The following CDH7 variants were observed in gnomAD, a reference collection of about 807,000 sequenced individuals.
CDH7 encodes cadherin-7.
Under a neutral mutation model 71.8 loss-of-function variants are expected in CDH7, and 25 were observed. That is an observed-to-expected ratio of 0.35 (90% CI 0.25 to 0.49). CDH7 has a LOEUF of 0.49. Ranked by LOEUF, CDH7 falls within the 20% of genes least tolerant of loss-of-function variation. The pLI, the probability that CDH7 is intolerant of heterozygous loss-of-function variation, is 0.99. For missense variants in CDH7, 862 were observed against 974.6 expected (o/e 0.88, Z 1.54); for synonymous variants, 381 against 363.8 (o/e 1.05, Z -0.54).
At chr18:65,844,186 T>TATATATATATATATATATATATAG in intron 7 of CDH7, 121 bp downstream of exon 7, 1 of 256,294 alleles carries the variant, frequency 3.9e-6, no homozygotes, top group Non-Finnish European at 7.1e-6. Flanking sequence ...TATATATATA[T>TATATATATATATATATATATATAG]ATCGAGTTAT....
chr18:65,861,838 AT>A (rs1244661054), intron 10 of CDH7, among the ~76,000 whole-genome samples: 1 of 151,176 alleles, frequency 6.6e-6, no homozygotes, highest in East Asian at 2.0e-4. Flanking sequence ...TCTGATCCTG[AT>A]TTTTCTTCTT....
intron 6 of CDH7, among the ~76,000 whole-genome samples, chr18:65,830,445 G>T (rs779969801): frequency 1.3e-5 from 2 of 151,968 alleles, no homozygotes; most frequent in Non-Finnish European, 2.9e-5. Context: ...TCTTTTCAAA[G>T]GACTGTATTA....
intron 11 of CDH7, among the ~76,000 whole-genome samples, chr18:65,874,494 A>G (rs1172881704): frequency 5.3e-5 from 8 of 152,032 alleles, no homozygotes; most frequent in East Asian, 1.9e-4. Flanking sequence ...AGCATGGTGG[A>G]ATAATAGACG....
At chr18:65,765,509 G>A (rs1367497170) in intron 2 of CDH7, among the ~76,000 whole-genome samples, 1 of 149,400 alleles carries the variant, frequency 6.7e-6, no homozygotes, top group Non-Finnish European at 1.5e-5. Flanking sequence ...GCCCAGAAAT[G>A]TTTGTAGGAC....
chr18:65,764,286 A>C (rs2143791924), intron 2 of CDH7, among the ~76,000 whole-genome samples: 1 of 152,104 alleles, frequency 6.6e-6, no homozygotes, highest in Non-Finnish European at 1.5e-5. Flanking sequence ...ATAAATACTG[A>C]CTTTTACTAC....
chr18:65,804,500 G>A (rs980435239), intron 2 of CDH7, among the ~76,000 whole-genome samples: 2 of 152,112 alleles, frequency 1.3e-5, no homozygotes, highest in African/African-American at 4.8e-5. Flanking sequence ...GATTGAAAGT[G>A]GTAGACCAGG....
At chr18:65,789,406 A>G (rs980823533) in intron 2 of CDH7, among the ~76,000 whole-genome samples, 4 of 152,206 alleles carry the variant, frequency 2.6e-5, no homozygotes, top group African/African-American at 9.6e-5. Context: ...TAGGACAAAT[A>G]AAAACCAAGA....
intron 11 of CDH7, among the ~76,000 whole-genome samples, chr18:65,871,605 A>T (rs1420768859): frequency 6.6e-6 from 1 of 152,100 alleles, no homozygotes; most frequent in Non-Finnish European, 1.5e-5. Flanking sequence ...GTCACAGATG[A>T]CTTGGAGTTT....
intron 2 of CDH7, among the ~76,000 whole-genome samples, chr18:65,767,044 G>C (rs7232299): frequency 0.39 from 59,325 of 150,542 alleles, 12,728 homozygotes; most frequent in African/African-American, 0.58. Context: ...TGTGTGCTTC[G>C]TGCCTCTTCC....
At chr18:65,868,452 G>T (rs1356690524) in intron 11 of CDH7, among the ~76,000 whole-genome samples, 1 of 152,118 alleles carries the variant, frequency 6.6e-6, no homozygotes, top group African/African-American at 2.4e-5. Context: ...CCTCCTAAAT[G>T]TTCTTTATAA....
intron 7 of CDH7, among the ~76,000 whole-genome samples, chr18:65,853,119 C>G (rs2587439): frequency 1.3e-5 from 2 of 152,012 alleles, no homozygotes; most frequent in African/African-American, 4.8e-5. Context: ...TCTAATTGTC[C>G]GCTCCAATAT....
intron 2 of CDH7, among the ~76,000 whole-genome samples, chr18:65,765,536 T>C (rs1916331832): frequency 6.6e-6 from 1 of 151,692 alleles, no homozygotes. Context: ...AAATAAAAAT[T>C]ATAGAAGAAG....
intron 11 of CDH7, 104 bp from the exon 12 acceptor site, chr18:65,880,295 TAA>T: frequency 8.3e-7 from 1 of 1,199,518 alleles, no homozygotes. Context: ...CATTTCTCTT[TAA>T]AGGGAAGAAA....
At chr18:65,850,765 A>G (rs1913121547) in intron 7 of CDH7, among the ~76,000 whole-genome samples, 1 of 151,970 alleles carries the variant, frequency 6.6e-6, no homozygotes. Context: ...GGATACAGGC[A>G]AGGTGTCTGC....
intron 2 of CDH7, among the ~76,000 whole-genome samples, chr18:65,781,934 CTCTCTCTCTCTT>C (rs1568181944): frequency 4.2e-5 from 5 of 117,760 alleles, no homozygotes; most frequent in Non-Finnish European, 6.5e-5. Flanking sequence ...CTCTCTCTCT[CTCTCTCTCTCTT>C]TCTCTCTTTC....
At chr18:65,764,658 A>G (rs1348893686) in intron 2 of CDH7, among the ~76,000 whole-genome samples, 1 of 152,064 alleles carries the variant, frequency 6.6e-6, no homozygotes, top group East Asian at 1.9e-4. Context: ...TATTCAAGTA[A>G]TGTATAAAAG....
At chr18:65,818,397 A>G (rs926319281) in intron 4 of CDH7, among the ~76,000 whole-genome samples, 1 of 152,218 alleles carries the variant, frequency 6.6e-6, no homozygotes, top group African/African-American at 2.4e-5. Context: ...TACAAAAGTG[A>G]TCATTGTTAT....
rs145003399 is a variant in CDH7 at position 65,849,733 on chromosome 18, T to C, written c.1235+5668T>C. Among the ~76,000 whole-genome samples the C allele has an allele frequency of 8.4e-3, 1,276 of 152,202 alleles. 12 individuals carry two copies. Among genetic ancestry groups the C allele is most frequent in the Non-Finnish European group, 0.013 (873 of 67,988 alleles). ...CGGCCCATTTTTTCATGTTTTATTCTATTGCTCTAGAATTACAAAGCTCTG... is the reference window on the plus strand; with the variant it reads ...CGGCCCATTTTTTCATGTTTTATTCCATTGCTCTAGAATTACAAAGCTCTG... On this transcript the variant is annotated intron_variant, in intron 7 of 11. Coordinates refer to ENST00000397968, the MANE Select transcript of CDH7 (RefSeq NM_004361.5).
chr18:65,776,295 A>G (rs886545117), intron 2 of CDH7, among the ~76,000 whole-genome samples: 1 of 152,064 alleles, frequency 6.6e-6, no homozygotes, highest in Admixed American at 6.6e-5. Flanking sequence ...TTACATATTC[A>G]GAATCAAATC....
Sources: allele counts gnomAD v4.1 joint callset (sites outside exome capture counted in the v4.1 genomes callset), GRCh38; gene constraint gnomAD v4.1.1; transcripts MANE v1.5; gene names NCBI Gene and HGNC (gene_info 2026-07-23, HGNC 2026-07-21).